ZHX3: variants seen among roughly 807,000 people sequenced by gnomAD.
ZHX3 encodes the protein zinc fingers and homeoboxes 3.
Under a neutral mutation model 64.5 loss-of-function variants are expected in ZHX3, and 20 were observed. The ratio of observed to expected loss-of-function variants is 0.31; its 90% confidence interval spans 0.22 to 0.45. The LOEUF (loss-of-function observed/expected upper bound fraction) is 0.45, where lower values mean the gene tolerates loss of function less well. Among genes scored for constraint, ZHX3 ranks in the 20% least tolerant of loss-of-function variants. The pLI, the probability that ZHX3 is intolerant of heterozygous loss-of-function variation, is 1.00. For synonymous variants in ZHX3, 423 were observed against 461.6 expected (o/e 0.92, Z 1.07); for missense variants, 1,041 against 1,195.8 (o/e 0.87, Z 1.91).
chr20:41,224,223 T>C lies in ZHX3; in HGVS notation c.-150-19157A>G, dbSNP rs2040125698. Among the ~76,000 whole-genome samples, 1 of 151,980 alleles carries C rather than the reference T, an allele frequency of 6.6e-6. No individual in the cohort carries two copies. The highest frequency in any genetic ancestry group is 1.5e-5 in the Non-Finnish European group (1 of 67,814). ...AAATGTGGGAGCTAATTATCATTTA[T>C]GACAATTTATTACAAAGCCCCTTTC... is the stretch of plus-strand genomic sequence containing the variant. On this transcript the variant is annotated intron_variant, in intron 2 of 3. Transcript: ENST00000683867. The surrounding 1 kb of genome is among the most constrained non-coding windows in gnomAD (Gnocchi z 5.2).
At chr20:41,198,205 C>T (rs1252114428) in intron 3 of ZHX3, among the ~76,000 whole-genome samples, 1 of 151,970 alleles carries the variant, frequency 6.6e-6, no homozygotes, top group African/African-American at 2.4e-5. Context: ...ACCATGTTGG[C>T]CAGGCTGGTC....
intron 2 of ZHX3, among the ~76,000 whole-genome samples, chr20:41,247,407 T>C (rs2041762538): frequency 6.6e-6 from 1 of 152,188 alleles, no homozygotes; most frequent in Non-Finnish European, 1.5e-5. Flanking sequence ...GTCATTTGGG[T>C]CTTGGGCAAA....
chr20:41,205,296 G>T lies in ZHX3; in HGVS notation c.-150-230C>A, dbSNP rs575910733. ...ATACCAACTGATAGACTTAAGCAACGTATTTTTGTTTCTTCCCCACCACCC... is the reference window on the plus strand; with the variant it reads ...ATACCAACTGATAGACTTAAGCAACTTATTTTTGTTTCTTCCCCACCACCC... On this transcript the variant is annotated intron_variant, in intron 2 of 3. Transcript: ENST00000683867. Among the ~76,000 whole-genome samples, 116 of 152,220 alleles carry T rather than the reference G, an allele frequency of 7.6e-4. 2 individuals are homozygous for T. The highest frequency in any genetic ancestry group is 2.7e-3 in the African/African-American group (114 of 41,548).
chr20:41,272,178 C>A (rs1331566678), intron 1 of ZHX3: 1 of 152,096 alleles, frequency 6.6e-6, no homozygotes, highest in Non-Finnish European at 1.5e-5. Flanking sequence ...AAACTATATT[C>A]TTTAATTGTT....
In ZHX3 at chr20:41,185,449, C is replaced by T; in HGVS notation, c.2861-248G>A. 1 of 586,254 alleles carries T rather than the reference C, an allele frequency of 1.7e-6. No homozygotes were observed. The highest frequency in any genetic ancestry group is 3.0e-6 in the Non-Finnish European group (1 of 333,360). The allele number at this position is 586,254 out of a possible 1,614,324, so 36.3% of individuals were successfully genotyped here. On this transcript the variant is annotated intron_variant, in intron 3 of 3. Coordinates refer to ENST00000683867, the MANE Select transcript of ZHX3 (RefSeq NM_001384317.1). The surrounding 1 kb of genome is among the most constrained non-coding windows in gnomAD (Gnocchi z 5.0). ...CTGAGAGACCCTGCTAAACCCTAGG[C>T]CTAGCAGCAGGAGCAGTGGTTTGGC...
intron 2 of ZHX3, among the ~76,000 whole-genome samples, chr20:41,254,908 G>C (rs1236944948): frequency 6.6e-6 from 1 of 152,064 alleles, no homozygotes; most frequent in East Asian, 1.9e-4. Context: ...ATGAATGTGT[G>C]CTACAGGAAA....
At chr20:41,240,226 C>A (rs1272361334) in intron 2 of ZHX3, among the ~76,000 whole-genome samples, 3 of 152,120 alleles carry the variant, frequency 2.0e-5, no homozygotes, top group African/African-American at 7.2e-5. Context: ...GTCAACAGGC[C>A]ATTCCTACAT....
Position 41,204,925 on chromosome 20 carries a change from T to C in ZHX3, c.-9A>G. 1 of 1,524,902 alleles carries C rather than the reference T, an allele frequency of 6.6e-7. No individual in the cohort carries two copies. 94.5% of individuals were successfully genotyped at this position (1,524,902 alleles called of 1,614,324 possible). A position where few individuals can be genotyped will look rare whatever the true frequency, so the allele number is the denominator to read the frequency against. ...TTCCTCTTGCTGGCCATGGTGACAA[T>C]CACTGGGTGATCAGCAGTTGAGAGC... On this transcript the variant is annotated 5_prime_UTR_variant, in exon 3 of 4. Coordinates refer to ENST00000683867, the MANE Select transcript of ZHX3 (RefSeq NM_001384317.1). This position sits in a 1 kb window ranked among gnomAD's most constrained non-coding sequence, Gnocchi z 6.6.
At chr20:41,306,070 C>T (rs1044108273) in intron 1 of ZHX3, among the ~76,000 whole-genome samples, 7 of 152,002 alleles carry the variant, frequency 4.6e-5, no homozygotes, top group African/African-American at 7.2e-5. Flanking sequence ...ATTAAATCTA[C>T]GACTTTAAAG....
At chr20:41,295,259 G>T (rs1280731450) in intron 1 of ZHX3, among the ~76,000 whole-genome samples, 1 of 152,098 alleles carries the variant, frequency 6.6e-6, no homozygotes, top group Admixed American at 6.5e-5. Context: ...AAACACTTCA[G>T]TAGAATGCAA....
chr20:41,214,627 G>A (rs6029572), intron 2 of ZHX3, among the ~76,000 whole-genome samples: 1 of 152,328 alleles, frequency 6.6e-6, no homozygotes, highest in East Asian at 1.9e-4. Flanking sequence ...TGCTTACTAA[G>A]GTGGCTGTTT....
At chr20:41,263,954 A>C (rs1434244205) in intron 2 of ZHX3, among the ~76,000 whole-genome samples, 2 of 152,204 alleles carry the variant, frequency 1.3e-5, no homozygotes, top group Non-Finnish European at 2.9e-5. Context: ...AAGGAAACAT[A>C]AAATTGGAAA....
intron 2 of ZHX3, among the ~76,000 whole-genome samples, chr20:41,257,973 C>T (rs2146545736): frequency 6.8e-6 from 1 of 146,846 alleles, no homozygotes; most frequent in African/African-American, 2.6e-5. Context: ...TGGCACAGCT[C>T]ACTGCAACCT....
At chr20:41,279,520 T>G (rs753334684) in intron 1 of ZHX3, among the ~76,000 whole-genome samples, 3 of 152,190 alleles carry the variant, frequency 2.0e-5, no homozygotes, top group Non-Finnish European at 4.4e-5. Context: ...TCTGATACTT[T>G]TCAGAAGTAA....
At position 41,184,644 on chromosome 20, in the gene ZHX3, ACACAAAGGGGG is replaced by A. The variant is rs2036373376; in HGVS notation, c.*536_*546del. Reference sequence around the variant, plus strand: ...TTCAAAGGTACTGCTTCCTTGAGGAACACAAAGGGGGCACAAAGGGGTTCCAGACGTAGCTT... The same window carrying A: ...TTCAAAGGTACTGCTTCCTTGAGGAACACAAAGGGGTTCCAGACGTAGCTT... On this transcript the variant is annotated 3_prime_UTR_variant, in exon 4 of 4. Transcript: ENST00000683867. 1 of 459,484 alleles carries A rather than the reference ACACAAAGGGGG, an allele frequency of 2.2e-6. No homozygotes were observed. Among genetic ancestry groups the A allele is most frequent in the Admixed American group, 3.7e-5 (1 of 27,228 alleles). The allele number at this position is 459,484 out of a possible 1,614,324, so 28.5% of individuals were successfully genotyped here. A position where few individuals can be genotyped will look rare whatever the true frequency, so the allele number is the denominator to read the frequency against.
intron 2 of ZHX3, among the ~76,000 whole-genome samples, chr20:41,255,068 C>A (rs1183303147): frequency 1.3e-5 from 2 of 152,026 alleles, no homozygotes; most frequent in African/African-American, 2.4e-5. Flanking sequence ...GGTATAGCCA[C>A]CCTACTAGAG....
chr20:41,247,100 A>T (rs1412944226), intron 2 of ZHX3, among the ~76,000 whole-genome samples: 9 of 152,074 alleles, frequency 5.9e-5, no homozygotes, highest in Non-Finnish European at 8.8e-5. Flanking sequence ...GTCTCTACAA[A>T]AATACAAAAA....
In ZHX3 at chr20:41,201,906, AGTTGTCCTCT is replaced by A. The variant is rs2038251953; in HGVS notation, c.2860+141_2860+150del. On this transcript the variant is annotated intron_variant, in intron 3 of 3. Transcript: ENST00000683867. This position sits in a 1 kb window ranked among gnomAD's most constrained non-coding sequence, Gnocchi z 5.0. ...TTATATTCCTATGGCTTCTGCTGCT[AGTTGTCCTCT>A]GAAGCAGCCAGGCGGTTAATGCTGC... The A allele has an allele frequency of 5.6e-6, 5 of 893,706 alleles. No homozygotes were observed. Among genetic ancestry groups the A allele is most frequent in the Non-Finnish European group, 8.1e-6 (5 of 613,542 alleles). 55.4% of individuals were successfully genotyped at this position (893,706 alleles called of 1,614,324 possible).
At chr20:41,276,086 G>A (rs1405746076) in intron 1 of ZHX3, among the ~76,000 whole-genome samples, 1 of 152,134 alleles carries the variant, frequency 6.6e-6, no homozygotes, top group Non-Finnish European at 1.5e-5. Context: ...TGCCCTGTCT[G>A]TCACAGAAAG....
Sources: gnomAD v4.1 joint callset for allele counts (sites outside exome capture counted in the v4.1 genomes callset) on GRCh38, gnomAD v4.1.1 for gene constraint, Gnocchi (gnomAD v3.1) non-coding constraint, MANE v1.5 for transcripts, NCBI Gene and HGNC (gene_info 2026-07-23, HGNC 2026-07-21) for gene names.